The following ZFR variants were observed in gnomAD, a reference collection of about 807,000 sequenced individuals.
The protein encoded by ZFR is zinc finger RNA-binding protein.
Under a neutral mutation model 130.7 loss-of-function variants are expected in ZFR, and 19 were observed. That is an observed-to-expected ratio of 0.15 (90% confidence interval 0.10 to 0.21). The LOEUF (loss-of-function observed/expected upper bound fraction) is 0.21. Ranked by LOEUF, ZFR falls within the 10% of genes least tolerant of loss-of-function variation. ZFR has a pLI of 1.00. For synonymous variants in ZFR, 466 were observed against 456.9 expected, an observed-to-expected ratio of 1.02 and a Z score of -0.25; for missense variants, 872 against 1,321.5, an observed-to-expected ratio of 0.66 and a Z score of 5.27.
chr5:32,365,468 A>T (rs899518112), intron 17 of ZFR, among the ~76,000 whole-genome samples: 1 of 152,190 alleles, frequency 6.6e-6, no homozygotes, highest in Non-Finnish European at 1.5e-5. Context: ...AAACCTGAAA[A>T]TAATGAATAT....
intron 19 of ZFR, among the ~76,000 whole-genome samples, chr5:32,363,026 C>T (rs1752469542): frequency 6.6e-6 from 1 of 152,194 alleles, no homozygotes; most frequent in Non-Finnish European, 1.5e-5. Context: ...AGAATTTGGT[C>T]ATATTTTGAG....
At chr5:32,437,017 TAGG>T (rs1754352707) in intron 2 of ZFR, among the ~76,000 whole-genome samples, 1 of 152,186 alleles carries the variant, frequency 6.6e-6, no homozygotes, top group Non-Finnish European at 1.5e-5. Flanking sequence ...TGGCAGGTAA[TAGG>T]AGGAGCCAGA....
At chr5:32,362,665 C>A (rs1156579301) in intron 19 of ZFR, among the ~76,000 whole-genome samples, 1 of 152,142 alleles carries the variant, frequency 6.6e-6, no homozygotes, top group Non-Finnish European at 1.5e-5. Context: ...TTAAACACTC[C>A]TAGGAAACAC....
At position 32,409,988 on chromosome 5, in the gene ZFR, A is replaced by G. The variant is rs140854512; in HGVS notation, c.785-2967T>C. Among the ~76,000 whole-genome samples, 51 of 152,190 alleles carry G rather than the reference A, an allele frequency of 3.4e-4. 2 individuals carry two copies. The highest frequency in any genetic ancestry group is 1.2e-3 in the African/African-American group (51 of 41,522). The stretch of plus-strand genomic sequence containing the variant: ...ACCCTGTTTCAAAGAAAAAGAAAAA[A>G]AGAAATCTGTGTCTATAAATTAAGT... On this transcript the variant is annotated intron_variant, in intron 5 of 19. Transcript: ENST00000265069.
chr5:32,443,110 C>T (rs1272377729), intron 2 of ZFR, among the ~76,000 whole-genome samples: 1 of 151,742 alleles, frequency 6.6e-6, no homozygotes, highest in Non-Finnish European at 1.5e-5. Flanking sequence ...CCAATGATGC[C>T]CTTTCCATTA....
At chr5:32,402,352 C>A (rs1245261209) in intron 8 of ZFR, among the ~76,000 whole-genome samples, 4 of 152,120 alleles carry the variant, frequency 2.6e-5, no homozygotes, top group African/African-American at 9.7e-5. Flanking sequence ...TAGGATGAAA[C>A]TGAAAACTGG....
intron 17 of ZFR, chr5:32,365,061 T>C (rs890997302): frequency 2.0e-4 from 30 of 152,332 alleles, no homozygotes; most frequent in African/African-American, 7.2e-4. Context: ...CAGATTTGCC[T>C]ACTATGGACG....
At chr5:32,428,399 G>A (rs1754123644) in intron 2 of ZFR, among the ~76,000 whole-genome samples, 1 of 152,112 alleles carries the variant, frequency 6.6e-6, no homozygotes, top group Non-Finnish European at 1.5e-5. Context: ...GGACAACAGA[G>A]AGAGTCTGTC....
chr5:32,362,730 T>C (rs954714953), intron 19 of ZFR, among the ~76,000 whole-genome samples: 4 of 152,342 alleles, frequency 2.6e-5, no homozygotes, highest in Non-Finnish European at 4.4e-5. Flanking sequence ...CATAAATGCA[T>C]TGTATATTGT....
At chr5:32,375,866 C>T (rs1386732449) in intron 17 of ZFR, among the ~76,000 whole-genome samples, 11 of 145,188 alleles carry the variant, frequency 7.6e-5, no homozygotes, top group South Asian at 4.4e-4. Flanking sequence ...TTTTTTGAGA[C>T]GGAGTCTCAC....
intron 15 of ZFR, among the ~76,000 whole-genome samples, chr5:32,380,929 C>T (rs1451126590): frequency 6.6e-6 from 1 of 150,522 alleles, no homozygotes. Flanking sequence ...GGATTACAGG[C>T]GTGAGCCACT....
intron 2 of ZFR, among the ~76,000 whole-genome samples, chr5:32,433,402 C>T (rs1440927302): frequency 3.9e-5 from 6 of 152,208 alleles, no homozygotes; most frequent in African/African-American, 1.4e-4. Context: ...TCTCTAAACA[C>T]AGCTAACTGC....
intron 8 of ZFR, among the ~76,000 whole-genome samples, chr5:32,402,677 C>T: frequency 6.6e-6 from 1 of 150,532 alleles, no homozygotes; most frequent in East Asian, 1.9e-4. Context: ...ACTCAGGAGA[C>T]TGAGGTGGGC....
rs1561907718 is a variant in ZFR, at chr5:32,415,179, C to T, written c.574G>A (p.Ala192Thr). The change falls in exon 5 of 20, where the codon GCA becomes ACA. Residue 192 changes from alanine to threonine, a missense_variant. Coordinates refer to ENST00000265069, the MANE Select transcript of ZFR (RefSeq NM_016107.5). ...TGAGTTGCACCTTGGCTGTAACCTGCTTTGGGGGCTGAAGTAGGAAAGAGA... is the reference window on the plus strand; with the variant it reads ...TGAGTTGCACCTTGGCTGTAACCTGTTTTGGGGGCTGAAGTAGGAAAGAGA... The part of the protein sequence containing the change: ...AETYYQTAPK[A>T]GYSQGATQYT... The T allele has an allele frequency of 1.2e-6, 2 of 1,613,818 alleles. No individual in the cohort carries two copies. The highest frequency in any genetic ancestry group is 2.2e-5 in the East Asian group (1 of 44,876).
chr5:32,358,344 G>C (rs1288436428), intron 19 of ZFR, among the ~76,000 whole-genome samples: 1 of 152,214 alleles, frequency 6.6e-6, no homozygotes, highest in African/African-American at 2.4e-5. Flanking sequence ...GTGACAGAGA[G>C]AGACTGTCTC....
intron 19 of ZFR, among the ~76,000 whole-genome samples, chr5:32,361,668 G>C (rs183790131): frequency 8.0e-4 from 115 of 144,238 alleles, no homozygotes; most frequent in Non-Finnish European, 1.4e-3. Context: ...GCCCAGGCTA[G>C]AGTGCAATGG....
chr5:32,385,564 T>C lies in ZFR; in HGVS notation c.2585A>G (p.Gln862Arg), dbSNP rs1359178539. The change falls in exon 15 of 20, where the codon CAA becomes CGA. Residue 862 changes from glutamine (Q) to arginine (R), a missense_variant. Physicochemically the swap from Gln to Arg is conservative, Grantham distance 43 (BLOSUM62 1). This residue lies in a region of ZFR where 225 missense variants were observed against 282.4 expected (regional missense o/e 0.80). Coordinates refer to ENST00000265069, the MANE Select transcript of ZFR (RefSeq NM_016107.5). ...TGGAGATGTCAGTGTGATAGTGACT[T>C]GCATTTTGGGTTCCACACATGAATT... ...ILNSCVEPKM[Q>R]VTITLTSPII... The C allele has an allele frequency of 9.9e-6, 16 of 1,613,430 alleles. No homozygotes were observed. The highest frequency in any genetic ancestry group is 1.1e-5 in the Non-Finnish European group (13 of 1,179,564).
chr5:32,361,669 A>C (rs1016019504), intron 19 of ZFR, among the ~76,000 whole-genome samples: 9 of 143,834 alleles, frequency 6.3e-5, no homozygotes, highest in African/African-American at 2.4e-4. Context: ...CCCAGGCTAG[A>C]GTGCAATGGT....
At chr5:32,387,832 C>A in intron 13 of ZFR, 133 bp from the exon 14 acceptor site, 1 of 828,116 alleles carries the variant, frequency 1.2e-6, no homozygotes, top group Non-Finnish European at 1.8e-6. Context: ...GAAAGACATC[C>A]AGCATTTTTA....
Sources: allele counts gnomAD v4.1 joint callset (sites outside exome capture counted in the v4.1 genomes callset), GRCh38; gene constraint gnomAD v4.1.1; regional missense constraint gnomAD v4.1.1; transcripts MANE v1.5; gene names NCBI Gene and HGNC (gene_info 2026-07-23, HGNC 2026-07-21).